MLIP: variants seen among roughly 807,000 people sequenced by gnomAD.
MLIP encodes muscular LMNA-interacting protein.
In MLIP, 79 loss-of-function variants were observed where a neutral mutation model predicts 84.8. The ratio of observed to expected loss-of-function variants is 0.93; its 90% CI spans 0.78 to 1.12. MLIP has a LOEUF of 1.12. Among genes scored for constraint, MLIP ranks in the 50% most tolerant of loss-of-function variants. MLIP has a pLI of 0.00. For missense variants in MLIP, 1,257 were observed against 1,160.6 expected (o/e 1.08, Z -1.21); for synonymous variants, 504 against 463.0 (o/e 1.09, Z -1.14).
At position 54,111,935 on chromosome 6, in the gene MLIP, G is replaced by A. The variant is rs563221078; in HGVS notation, c.96+360G>A. On this transcript the variant is annotated intron_variant, in intron 1 of 13. Coordinates refer to ENST00000502396, the MANE Select transcript of MLIP (RefSeq NM_001281747.2). ...TTACAGCCCAAAACTGAGCAAAGGA[G>A]CTGTTAGCCTGCGTGGCATGCGGGA... 1.2e-4 allele frequency among the ~76,000 whole-genome samples: 19 copies of A among 152,350 alleles called. No homozygotes were observed. In the East Asian group the frequency reaches 3.3e-3, roughly 26 times the overall value.
intron 9 of MLIP, among the ~76,000 whole-genome samples, chr6:54,184,560 G>A (rs867363674): frequency 3.3e-5 from 5 of 152,130 alleles, no homozygotes. Flanking sequence ...GAGATGAAAA[G>A]GTTTCTCCAA....
intron 1 of MLIP, among the ~76,000 whole-genome samples, chr6:54,039,537 A>G (rs1764627149): frequency 6.6e-6 from 1 of 151,816 alleles, no homozygotes; most frequent in Non-Finnish European, 1.5e-5. Flanking sequence ...CACAGATCAG[A>G]AATTTTTGAT....
chr6:54,156,692 A>G (rs1202789215), intron 5 of MLIP, among the ~76,000 whole-genome samples: 1 of 152,090 alleles, frequency 6.6e-6, no homozygotes, highest in African/African-American at 2.4e-5. Flanking sequence ...TCTATGATTC[A>G]TTTATTAATT....
chr6:54,122,987 A>G (rs1217369307), intron 2 of MLIP, among the ~76,000 whole-genome samples: 1 of 150,922 alleles, frequency 6.6e-6, no homozygotes, highest in Non-Finnish European at 1.5e-5. Context: ...GCTAGAGTGC[A>G]GTGGCGCGAT....
chr6:54,243,303 T>C (rs577819710), intron 12 of MLIP, among the ~76,000 whole-genome samples: 12 of 152,048 alleles, frequency 7.9e-5, no homozygotes, highest in African/African-American at 2.7e-4. Flanking sequence ...AGCATAGACA[T>C]ACAGAAAAGG....
At chr6:54,144,934 T>C (rs919129929) in intron 4 of MLIP, among the ~76,000 whole-genome samples, 15 of 152,192 alleles carry the variant, frequency 9.9e-5, no homozygotes, top group African/African-American at 3.4e-4. Flanking sequence ...ACCCAGAATT[T>C]ATATTGCAGC....
intron 9 of MLIP, among the ~76,000 whole-genome samples, chr6:54,178,667 A>G (rs62397383): frequency 6.6e-6 from 1 of 152,062 alleles, no homozygotes; most frequent in Non-Finnish European, 1.5e-5. Flanking sequence ...ATTCAGGAGC[A>G]TATTGTTTAA....
intron 1 of MLIP, among the ~76,000 whole-genome samples, chr6:54,089,457 C>T (rs1033174266): frequency 5.3e-5 from 8 of 152,054 alleles, no homozygotes; most frequent in African/African-American, 1.9e-4. Context: ...TACAGAATGT[C>T]GCTCAATATA....
intron 9 of MLIP, among the ~76,000 whole-genome samples, chr6:54,184,672 A>C (rs927566869): frequency 5.3e-5 from 8 of 151,826 alleles, no homozygotes; most frequent in African/African-American, 1.9e-4. Flanking sequence ...TTTCTATATA[A>C]CTTAATTATT....
intron 12 of MLIP, among the ~76,000 whole-genome samples, chr6:54,255,719 G>A (rs1562114808): frequency 6.6e-6 from 1 of 152,082 alleles, no homozygotes; most frequent in Non-Finnish European, 1.5e-5. Flanking sequence ...ATAACAGTAG[G>A]CATCACATAA....
chr6:54,233,225 A>T (rs1331014935), intron 12 of MLIP, among the ~76,000 whole-genome samples: 1 of 152,200 alleles, frequency 6.6e-6, no homozygotes, highest in Admixed American at 6.5e-5. Context: ...CATGTGCAGA[A>T]CATGCCGGTT....
At chr6:54,252,091 A>ATAATATATAAC (rs1782623626) in intron 12 of MLIP, among the ~76,000 whole-genome samples, 6 of 73,310 alleles carry the variant, frequency 8.2e-5, no homozygotes, top group African/African-American at 4.0e-4. Flanking sequence ...TAATATAAAT[A>ATAATATATAAC]TATATTATAA....
At chr6:54,239,206 C>T (rs1781560842) in intron 12 of MLIP, among the ~76,000 whole-genome samples, 1 of 151,788 alleles carries the variant, frequency 6.6e-6, no homozygotes, top group Non-Finnish European at 1.5e-5. Flanking sequence ...GCCCAGAACC[C>T]CTCATAGCCT....
At chr6:54,241,021 C>G (rs1488307533) in intron 12 of MLIP, among the ~76,000 whole-genome samples, 1 of 151,844 alleles carries the variant, frequency 6.6e-6, no homozygotes, top group Non-Finnish European at 1.5e-5. Flanking sequence ...CCTAAGCCTA[C>G]TTACAACTTA....
chr6:54,083,033 T>C (rs1290678107), intron 1 of MLIP, among the ~76,000 whole-genome samples: 1 of 152,154 alleles, frequency 6.6e-6, no homozygotes, highest in Admixed American at 6.5e-5. Context: ...GAATTTTTCA[T>C]TTTTATTTCT....
intron 1 of MLIP, among the ~76,000 whole-genome samples, chr6:54,075,583 T>A (rs1313426502): frequency 6.6e-5 from 10 of 152,208 alleles, no homozygotes; most frequent in Admixed American, 5.9e-4. Flanking sequence ...TGTTAGTAAC[T>A]GCATTATTTG....
intron 1 of MLIP, among the ~76,000 whole-genome samples, chr6:54,111,958 G>A (rs1341066121): frequency 6.6e-6 from 1 of 152,166 alleles, no homozygotes; most frequent in Non-Finnish European, 1.5e-5. Flanking sequence ...GTGGCATGCG[G>A]GAAAACAGTT....
intron 1 of MLIP, among the ~76,000 whole-genome samples, chr6:54,051,692 A>G (rs770241463): frequency 2.0e-5 from 3 of 152,126 alleles, no homozygotes; most frequent in African/African-American, 4.8e-5. Context: ...TGTGAGGAAC[A>G]CTTTATCCTC....
chr6:54,217,215 G>A (rs1186850106), intron 11 of MLIP: 6 of 985,300 alleles, frequency 6.1e-6, no homozygotes, highest in Non-Finnish European at 1.2e-6. Flanking sequence ...GACAGCATGA[G>A]TGAAGAGGAA....
Sources: allele counts gnomAD v4.1 joint callset (sites outside exome capture counted in the v4.1 genomes callset), GRCh38; gene constraint gnomAD v4.1.1; transcripts MANE v1.5; gene names NCBI Gene and HGNC (gene_info 2026-07-23, HGNC 2026-07-21).